Variants in SEMA6D observed in about 807,000 individuals in gnomAD.
The protein encoded by SEMA6D is semaphorin 6D, also known as semaphorin-6D.
In SEMA6D, 35 loss-of-function variants were observed where a neutral mutation model predicts 106.6. The observed-to-expected ratio is 0.33, with a 90% CI of 0.25 to 0.44. SEMA6D has a LOEUF of 0.44. Ranked by LOEUF, SEMA6D falls within the 20% of genes least tolerant of loss-of-function variation. The pLI is 1.00. For missense variants in SEMA6D, 1,185 were observed against 1,345.9 expected, an observed-to-expected ratio of 0.88 and a Z score of 1.87; for synonymous variants, 499 against 487.7, an observed-to-expected ratio of 1.02 and a Z score of -0.31.
chr15:47,593,727 T>C (rs940292859), intron 3 of SEMA6D, among the ~76,000 whole-genome samples: 3 of 152,158 alleles, frequency 2.0e-5, no homozygotes, highest in Admixed American at 6.6e-5. Flanking sequence ...GGAAGCATCA[T>C]GCTGACATCT....
intron 1 of SEMA6D, among the ~76,000 whole-genome samples, chr15:47,194,193 C>A (rs2094460060): frequency 6.6e-6 from 1 of 151,912 alleles, no homozygotes; most frequent in Admixed American, 6.6e-5. Context: ...AATTGTATTT[C>A]TGAGAGAAGC....
intron 1 of SEMA6D, among the ~76,000 whole-genome samples, chr15:47,237,300 T>G (rs994985728): frequency 3.3e-5 from 5 of 152,174 alleles, no homozygotes; most frequent in African/African-American, 9.7e-5. Flanking sequence ...CATTTTACTT[T>G]ATTGGTTCAA....
intron 17 of SEMA6D, among the ~76,000 whole-genome samples, chr15:47,767,825 C>T (rs1324010289): frequency 6.6e-6 from 1 of 152,200 alleles, no homozygotes; most frequent in Non-Finnish European, 1.5e-5. Context: ...GGTCCTATTG[C>T]TGCTTCTAAA....
chr15:47,693,285 C>G (rs905950896), intron 4 of SEMA6D, among the ~76,000 whole-genome samples: 9 of 152,126 alleles, frequency 5.9e-5, no homozygotes, highest in Admixed American at 2.6e-4. Flanking sequence ...ACTCTTCCCT[C>G]AAAGCTCTCA....
At chr15:47,696,783 T>A (rs532473122) in intron 4 of SEMA6D, among the ~76,000 whole-genome samples, 1 of 152,336 alleles carries the variant, frequency 6.6e-6, no homozygotes, top group South Asian at 2.1e-4. Flanking sequence ...AGGGACTGGC[T>A]GCACAGTTCA....
chr15:47,739,454 G>A (rs1054141411), intron 1 of SEMA6D, among the ~76,000 whole-genome samples: 6 of 152,134 alleles, frequency 3.9e-5, no homozygotes, highest in African/African-American at 1.4e-4. Context: ...GCCCACACAA[G>A]CAGTCAGGTC....
intron 1 of SEMA6D, among the ~76,000 whole-genome samples, chr15:47,211,579 A>G (rs531048291): frequency 2.6e-5 from 4 of 152,284 alleles, no homozygotes; most frequent in Non-Finnish European, 5.9e-5. Context: ...CATAAATAAT[A>G]ATTAGACACT....
At chr15:47,324,984 T>A (rs1180796682) in intron 1 of SEMA6D, among the ~76,000 whole-genome samples, 1 of 152,106 alleles carries the variant, frequency 6.6e-6, no homozygotes. Context: ...TATATATTGG[T>A]ATTTGATTTT....
At chr15:47,686,343 C>T (rs1425095869) in intron 4 of SEMA6D, among the ~76,000 whole-genome samples, 2 of 152,150 alleles carry the variant, frequency 1.3e-5, no homozygotes, top group Non-Finnish European at 1.5e-5. Flanking sequence ...TAAGTGCTAC[C>T]GTGACAGTTT....
chr15:47,469,445 A>C (rs192304500), intron 2 of SEMA6D, among the ~76,000 whole-genome samples: 173 of 152,156 alleles, frequency 1.1e-3, no homozygotes, highest in African/African-American at 4.0e-3. Flanking sequence ...AAATCAGGAC[A>C]CTTCAACCTG....
At chr15:47,205,206 G>GAA (rs1894975344) in intron 1 of SEMA6D, among the ~76,000 whole-genome samples, 2 of 152,090 alleles carry the variant, frequency 1.3e-5, no homozygotes, top group African/African-American at 2.4e-5. Context: ...AGTATATTTT[G>GAA]TTGAAAGTAT....
At chr15:47,362,551 C>G (rs887571592) in intron 1 of SEMA6D, among the ~76,000 whole-genome samples, 1 of 152,176 alleles carries the variant, frequency 6.6e-6, no homozygotes, top group Non-Finnish European at 1.5e-5. Context: ...ACACCTCCCC[C>G]CAGGCCTCTT....
At chr15:47,502,304 C>G (rs564677643) in intron 3 of SEMA6D, among the ~76,000 whole-genome samples, 4 of 152,232 alleles carry the variant, frequency 2.6e-5, no homozygotes, top group African/African-American at 9.6e-5. Flanking sequence ...TGCCTTTGAC[C>G]CGTGTCATTG....
intron 3 of SEMA6D, among the ~76,000 whole-genome samples, chr15:47,507,758 G>C (rs750826059): frequency 6.6e-6 from 1 of 152,124 alleles, no homozygotes; most frequent in African/African-American, 2.4e-5. Context: ...CCAGGCATAC[G>C]TACATTTAGA....
At chr15:47,513,947 G>A (rs1484319185) in intron 3 of SEMA6D, among the ~76,000 whole-genome samples, 1 of 152,210 alleles carries the variant, frequency 6.6e-6, no homozygotes, top group Non-Finnish European at 1.5e-5. Context: ...ACTCCAAGTC[G>A]TTGACCATTC....
At chr15:47,622,585 C>T (rs1423700369) in intron 4 of SEMA6D, among the ~76,000 whole-genome samples, 1 of 152,102 alleles carries the variant, frequency 6.6e-6, no homozygotes, top group Non-Finnish European at 1.5e-5. Flanking sequence ...CCCAAAACCA[C>T]CATTTGGGTA....
intron 3 of SEMA6D, among the ~76,000 whole-genome samples, chr15:47,499,268 C>T (rs192349595): frequency 6.6e-6 from 1 of 152,214 alleles, no homozygotes; most frequent in Admixed American, 6.5e-5. Context: ...TCTAATCCGT[C>T]CTCAGAAATA....
intron 1 of SEMA6D, among the ~76,000 whole-genome samples, chr15:47,274,541 A>C (rs1470397394): frequency 6.6e-6 from 1 of 152,208 alleles, no homozygotes; most frequent in Non-Finnish European, 1.5e-5. Context: ...TCGAAATAAA[A>C]GCTAAGAAAA....
intron 3 of SEMA6D, among the ~76,000 whole-genome samples, chr15:47,507,400 G>A (rs930641880): frequency 8.6e-5 from 12 of 139,498 alleles, no homozygotes; most frequent in African/African-American, 3.0e-4. Flanking sequence ...GCCTGAGTCG[G>A]AGACTGGCTT....
Sources: allele counts gnomAD v4.1 joint callset (sites outside exome capture counted in the v4.1 genomes callset), GRCh38; gene constraint gnomAD v4.1.1; transcripts MANE v1.5; gene names NCBI Gene and HGNC (gene_info 2026-07-23, HGNC 2026-07-21).